The following RIMKLB variants were observed in gnomAD, a reference collection of about 807,000 sequenced individuals.
RIMKLB encodes the protein ribosomal modification protein rimK like family member B, also known as beta-citrylglutamate synthase B.
In RIMKLB, 7 loss-of-function variants were observed where a neutral mutation model predicts 32.0. That is an observed-to-expected ratio of 0.22 (90% confidence interval 0.12 to 0.41). The LOEUF (loss-of-function observed/expected upper bound fraction) is 0.41. RIMKLB is among the 10% of genes least tolerant of loss of function. The pLI is 1.00. For missense variants in RIMKLB, 289 were observed against 498.7 expected (o/e 0.58, Z 4.00); for synonymous variants, 172 against 185.1 (o/e 0.93, Z 0.57).
chr12:8,733,045 T>G (rs1482315976), intron 2 of RIMKLB, among the ~76,000 whole-genome samples: 1 of 152,188 alleles, frequency 6.6e-6, no homozygotes, highest in Non-Finnish European at 1.5e-5. Flanking sequence ...TTCTTGGGAA[T>G]GTACCCAATA....
chr12:8,680,483 T>G (rs898096142), upstream of RIMKLB, among the ~76,000 whole-genome samples: 7 of 152,200 alleles, frequency 4.6e-5, no homozygotes, highest in African/African-American at 1.4e-4. Context: ...TAGCATAGCA[T>G]CAAGAAATAA....
chr12:8,684,348 T>C (rs914942728), intron 1 of RIMKLB, among the ~76,000 whole-genome samples: 9 of 152,022 alleles, frequency 5.9e-5, no homozygotes, highest in African/African-American at 1.9e-4. Flanking sequence ...AATTTTTGTA[T>C]TTTTAGTAGA....
intron 2 of RIMKLB, among the ~76,000 whole-genome samples, chr12:8,746,612 AAAAAG>A (rs1948117327): frequency 1.3e-5 from 2 of 151,888 alleles, no homozygotes; most frequent in East Asian, 3.9e-4. Flanking sequence ...AAAAAAAAAA[AAAAAG>A]AAAAAGATAT....
upstream of RIMKLB, among the ~76,000 whole-genome samples, chr12:8,694,304 G>A (rs1565542165): frequency 6.6e-6 from 1 of 151,452 alleles, no homozygotes; most frequent in Non-Finnish European, 1.5e-5. Flanking sequence ...TCTTGGACTC[G>A]TGTATTCAAG....
chr12:8,728,763 T>TTGTGTGTG (rs375795748), intron 2 of RIMKLB, among the ~76,000 whole-genome samples: 560 of 149,598 alleles, frequency 3.7e-3, no homozygotes, highest in African/African-American at 0.013. Flanking sequence ...GCTCTGCTAA[T>TTGTGTGTG]TGTGTGTGTG....
intron 2 of RIMKLB, among the ~76,000 whole-genome samples, chr12:8,714,520 T>A (rs1422236136): frequency 6.6e-6 from 1 of 152,208 alleles, no homozygotes; most frequent in Non-Finnish European, 1.5e-5. Context: ...ATAAATTAGA[T>A]CCATGTGATT....
Position 8,774,328 on chromosome 12 carries a change from ATT to A in RIMKLB, c.*550_*551del, listed in dbSNP as rs375794502. 1.0e-6 allele frequency: 1 copy of A among 985,486 alleles called. No homozygotes were observed. Among genetic ancestry groups the A allele is most frequent in the African/African-American group, 1.7e-5 (1 of 57,172 alleles). The allele number at this position is 985,486 out of a possible 1,614,324, so 61.0% of individuals were successfully genotyped here. A position where few individuals can be genotyped will look rare whatever the true frequency, so the allele number is the denominator to read the frequency against. On this transcript the variant is annotated 3_prime_UTR_variant, in exon 6 of 6. Transcript: ENST00000535829. ...AGGGGCTCTTTTACTGGGATTTCTT[ATT>A]TTTTTGTTTTTTCCCGCTTAATTTG...
Position 8,774,852 on chromosome 12 carries a change from T to C in RIMKLB, c.*1068T>C, listed in dbSNP as rs1950634536. 13 of 985,696 alleles carry C rather than the reference T, an allele frequency of 1.3e-5. No homozygotes were observed. The highest frequency in any genetic ancestry group is 1.7e-5 in the African/African-American group (1 of 57,374). 61.1% of individuals were successfully genotyped at this position (985,696 alleles called of 1,614,324 possible). On this transcript the variant is annotated 3_prime_UTR_variant, in exon 6 of 6. Transcript: ENST00000535829. ...ATGCCAGCGTTATATATTTGCATTTTTCACATTTTACGAGGGAGTATATGT... is the reference window on the plus strand; with the variant it reads ...ATGCCAGCGTTATATATTTGCATTTCTCACATTTTACGAGGGAGTATATGT...
chr12:8,758,015 C>CG (rs1949202136), intron 5 of RIMKLB, among the ~76,000 whole-genome samples: 1 of 151,044 alleles, frequency 6.6e-6, no homozygotes, highest in African/African-American at 2.4e-5. Context: ...AGGCAGGTCT[C>CG]GAACTCCTGG....
upstream of RIMKLB, among the ~76,000 whole-genome samples, chr12:8,678,415 C>T (rs1312263611): frequency 3.9e-5 from 6 of 151,994 alleles, no homozygotes; most frequent in African/African-American, 1.5e-4. Flanking sequence ...ACCGCATCCT[C>T]CGCCTCCCGG....
At position 8,776,092 on chromosome 12, in the gene RIMKLB, A is replaced by G. The variant is rs1950708553; in HGVS notation, c.*2308A>G. ...GTATTATGACACATACACTTTGAAT[A>G]GTTACATATCACAAGTATGTAGTTC... On this transcript the variant is annotated 3_prime_UTR_variant, in exon 6 of 6. Transcript: ENST00000535829. 6 of 984,652 alleles carry G rather than the reference A, an allele frequency of 6.1e-6. No individual in the cohort carries two copies. Among genetic ancestry groups the G allele is most frequent in the Non-Finnish European group, 6.0e-6 (5 of 829,174 alleles). 61.0% of individuals were successfully genotyped at this position (984,652 alleles called of 1,614,324 possible).
intron 2 of RIMKLB, chr12:8,742,386 C>A: frequency 4.0e-6 from 1 of 246,966 alleles, no homozygotes. Flanking sequence ...AGGGAGGGGT[C>A]CATGTGGCCT....
chr12:8,670,395 G>A, the RIMKLB span, among the ~76,000 whole-genome samples: 2 of 152,186 alleles, frequency 1.3e-5, no homozygotes, highest in Non-Finnish European at 2.9e-5. Context: ...AGCTGTTTCA[G>A]GTGGGAGAAA....
At chr12:8,722,943 G>T (rs547693704) in intron 2 of RIMKLB, among the ~76,000 whole-genome samples, 82 of 152,232 alleles carry the variant, frequency 5.4e-4, no homozygotes, top group Non-Finnish European at 1.1e-3. Flanking sequence ...TGCCTTAAGG[G>T]AATGTTGTGG....
At chr12:8,769,599 T>G (rs1950245376) in intron 5 of RIMKLB, among the ~76,000 whole-genome samples, 1 of 152,192 alleles carries the variant, frequency 6.6e-6, no homozygotes, top group Admixed American at 6.5e-5. Flanking sequence ...TAATTTTTGC[T>G]GGTTAGTAAG....
chr12:8,731,618 A>G (rs756406569), intron 2 of RIMKLB, among the ~76,000 whole-genome samples: 1 of 152,114 alleles, frequency 6.6e-6, no homozygotes, highest in African/African-American at 2.4e-5. Context: ...TTTATTCTTC[A>G]ATGATAGTTT....
intron 2 of RIMKLB, among the ~76,000 whole-genome samples, chr12:8,727,533 A>T (rs1283594365): frequency 6.6e-6 from 1 of 152,208 alleles, no homozygotes; most frequent in African/African-American, 2.4e-5. Context: ...CACTGCACTC[A>T]GCCAAAGTAG....
In RIMKLB at chr12:8,728,446, A is replaced by G. The variant is rs774741795; in HGVS notation, c.175+14405A>G. ...CCTTTGCTACTGGACTACAAACATAACTAGTGTATCCCAATTATTTTTATT... is the reference window on the plus strand; with the variant it reads ...CCTTTGCTACTGGACTACAAACATAGCTAGTGTATCCCAATTATTTTTATT... On this transcript the variant is annotated intron_variant, in intron 2 of 5. Coordinates refer to ENST00000535829, the MANE Select transcript of RIMKLB (RefSeq NM_001297776.2). Among the ~76,000 whole-genome samples, 42 of 152,256 alleles carry G rather than the reference A, an allele frequency of 2.8e-4. 1 individual carries two copies. In the South Asian group the frequency reaches 4.4e-3, roughly 16 times the overall value.
upstream of RIMKLB, among the ~76,000 whole-genome samples, chr12:8,679,943 G>T (rs1175074041): frequency 2.0e-5 from 3 of 152,132 alleles, no homozygotes; most frequent in Non-Finnish European, 4.4e-5. Context: ...GAGACAGGAG[G>T]TCAGTACAAA....
Sources: gnomAD v4.1 joint callset for allele counts (sites outside exome capture counted in the v4.1 genomes callset) on GRCh38, gnomAD v4.1.1 for gene constraint, MANE v1.5 for transcripts, NCBI Gene and HGNC (gene_info 2026-07-23, HGNC 2026-07-21) for gene names.